The following CACNA1B variants were observed in gnomAD, a reference collection of about 807,000 sequenced individuals.
The protein encoded by CACNA1B is calcium voltage-gated channel subunit alpha1 B.
Under a neutral mutation model 247.2 loss-of-function variants are expected in CACNA1B, and 70 were observed. The observed-to-expected ratio is 0.28, with a 90% CI of 0.23 to 0.35. The LOEUF is 0.35. CACNA1B is among the 10% of genes least tolerant of loss of function. The probability of loss-of-function intolerance (pLI) is 1.00; values close to 1 mark genes in which losing one functional copy is unlikely to be tolerated. For missense variants in CACNA1B, 2,367 were observed against 3,197.4 expected, an observed-to-expected ratio of 0.74 and a Z score of 6.26; for synonymous variants, 1,231 against 1,294.4, an observed-to-expected ratio of 0.95 and a Z score of 1.05.
At chr9:137,924,177 T>A (rs775434569) in intron 6 of CACNA1B, among the ~76,000 whole-genome samples, 5 of 152,220 alleles carry the variant, frequency 3.3e-5, no homozygotes, top group Non-Finnish European at 5.9e-5. Flanking sequence ...GTAAGAACTC[T>A]GCCTAGTCCT....
intron 10 of CACNA1B, among the ~76,000 whole-genome samples, chr9:137,962,840 A>T (rs1958034935): frequency 6.6e-6 from 1 of 152,196 alleles, no homozygotes; most frequent in African/African-American, 2.4e-5. Flanking sequence ...TGTGGCGATG[A>T]GAAGAATGTA....
rs534277453 is a variant in CACNA1B, at chr9:138,000,559, G to A, written c.1975-6208G>A. Among the ~76,000 whole-genome samples, 157 of 152,224 alleles carry A rather than the reference G, an allele frequency of 1.0e-3. 1 individual carries two copies. The highest frequency in any genetic ancestry group is 1.8e-3 in the Non-Finnish European group (121 of 68,016). On this transcript the variant is annotated intron_variant, in intron 15 of 46. Transcript: ENST00000371372. ...GCCTGGGGCCCAGTCATTATAAGGC[G>A]AGTTTCACCAAGCCTTTCAAGAAGA...
At chr9:137,884,985 G>T in intron 3 of CACNA1B, among the ~76,000 whole-genome samples, 1 of 96,160 alleles carries the variant, frequency 1.0e-5, no homozygotes, top group Admixed American at 1.3e-4. Context: ...CACTTTGCCT[G>T]TCTAGCCCTT....
intron 10 of CACNA1B, among the ~76,000 whole-genome samples, chr9:137,960,421 TC>T (rs1958004718): frequency 8.3e-5 from 1 of 12,034 alleles, no homozygotes; most frequent in East Asian, 4.7e-3. Context: ...GGAGGGGAGG[TC>T]AGCCTGAGAG....
At chr9:138,109,602 A>G (rs1961552947) in intron 39 of CACNA1B, among the ~76,000 whole-genome samples, 3 of 152,104 alleles carry the variant, frequency 2.0e-5, no homozygotes, top group South Asian at 2.1e-4. Context: ...TGAACTGATC[A>G]CCTCCTTACA....
intron 10 of CACNA1B, among the ~76,000 whole-genome samples, chr9:137,967,045 A>T (rs1198100653): frequency 6.6e-6 from 1 of 150,738 alleles, no homozygotes; most frequent in East Asian, 1.9e-4. Context: ...CTCTCCATTT[A>T]GTATAATGTT....
intron 20 of CACNA1B, 30 bp from the exon 21 acceptor site, chr9:138,043,744 C>T (rs1375783319): frequency 6.2e-7 from 1 of 1,613,444 alleles, no homozygotes; most frequent in South Asian, 1.1e-5. Flanking sequence ...TGCACTACAC[C>T]CCTTACTCGG....
rs553422023 is a variant in CACNA1B at position 138,051,244 on chromosome 9, T to C, written c.3711-848T>C. Among the ~76,000 whole-genome samples the C allele has an allele frequency of 6.6e-6, 1 of 152,138 alleles. No homozygotes were observed. The highest frequency in any genetic ancestry group is 2.1e-4 in the South Asian group (1 of 4,820). On this transcript the variant is annotated intron_variant, in intron 24 of 46. Transcript: ENST00000371372. This position sits in a 1 kb window ranked among gnomAD's most constrained non-coding sequence, Gnocchi z 4.3. ...CCAGTCCCCAGAACCTGCTAATTCC[T>C]GCGTCCCTGACAGGTAGAGGCAGCT...
At chr9:138,004,442 CAGG>C (rs1430293437) in intron 15 of CACNA1B, among the ~76,000 whole-genome samples, 2 of 150,852 alleles carry the variant, frequency 1.3e-5, no homozygotes, top group Non-Finnish European at 2.9e-5. Context: ...CCCAGTTACT[CAGG>C]AGGCTGAGGT....
At chr9:137,993,410 GTCTA>G (rs1268614312) in intron 15 of CACNA1B, among the ~76,000 whole-genome samples, 1 of 151,404 alleles carries the variant, frequency 6.6e-6, no homozygotes, top group Non-Finnish European at 1.5e-5. Flanking sequence ...TTTTTATTTT[GTCTA>G]TCTAGATAGA....
intron 6 of CACNA1B, among the ~76,000 whole-genome samples, chr9:137,925,836 A>G (rs958546756): frequency 2.8e-5 from 4 of 143,986 alleles, no homozygotes; most frequent in African/African-American, 1.0e-4. Flanking sequence ...TCCCCCTCCC[A>G]GGTTCATGCC....
In CACNA1B at chr9:138,115,572, C is replaced by T. The variant is rs773042937; in HGVS notation, c.5670C>T (p.Phe1890=). Reference sequence around the variant, plus strand: ...TGCAGATGGGTCCTGTGTCCCTGTTCCACCCTCTGAAGGCCACCCTGGAGC... The same window carrying T: ...TGCAGATGGGTCCTGTGTCCCTGTTTCACCCTCTGAAGGCCACCCTGGAGC... The part of the protein sequence containing the change: ...GLSQMGPVSL[F]HPLKATLEQT... The change falls in exon 42 of 47, where the codon TTC becomes TTT. Residue 1890 remains phenylalanine (F), a synonymous_variant. Transcript: ENST00000371372. 5.6e-6 allele frequency: 9 copies of T among 1,613,422 alleles called. No homozygotes were observed. The highest frequency in any genetic ancestry group is 7.6e-6 in the Non-Finnish European group (9 of 1,179,802).
intron 10 of CACNA1B, among the ~76,000 whole-genome samples, chr9:137,963,364 C>T (rs1311484936): frequency 1.3e-5 from 2 of 152,054 alleles, no homozygotes; most frequent in African/African-American, 2.4e-5. Flanking sequence ...TTAATTGGTG[C>T]ATTTAGCCTA....
rs141066692 is a variant in CACNA1B at position 138,076,353 on chromosome 9, CAG to C, written c.4949+444_4949+445del. On this transcript the variant is annotated intron_variant, in intron 35 of 46. Transcript: ENST00000371372. ...GGTGGGATCGAGGGCAGTAGGGCAA[CAG>C]GGGGAACTGACCAGCAGAGTTTGTA... 0.012 allele frequency among the ~76,000 whole-genome samples: 1,805 copies of C among 152,312 alleles called. 84 individuals are homozygous for C. In the East Asian group the frequency reaches 0.19, roughly 16 times the overall value.
Position 138,102,822 on chromosome 9 carries a change from T to G in CACNA1B, c.5319+15T>G. 1.3e-6 allele frequency: 2 copies of G among 1,538,298 alleles called. No homozygotes were observed. Among genetic ancestry groups the G allele is most frequent in the East Asian group, 2.3e-5 (1 of 44,196 alleles). On this transcript the variant is annotated intron_variant, in intron 38 of 46. Transcript: ENST00000371372. The surrounding 1 kb of genome is among the most constrained non-coding windows in gnomAD (Gnocchi z 5.4). ...TTGCTTACAAGGTAGACCCTGACCC[T>G]GCAACCCGCCCCCCAGGAGGCTGTG... is the stretch of plus-strand genomic sequence containing the variant.
At chr9:137,991,598 C>T (rs1958432361) in intron 15 of CACNA1B, among the ~76,000 whole-genome samples, 1 of 152,168 alleles carries the variant, frequency 6.6e-6, no homozygotes, top group African/African-American at 2.4e-5. Context: ...TTGCAAAATT[C>T]ATTGCAGAAG....
At chr9:138,063,252 G>A (rs1253021682) in intron 31 of CACNA1B, among the ~76,000 whole-genome samples, 1 of 152,208 alleles carries the variant, frequency 6.6e-6, no homozygotes, top group Admixed American at 6.5e-5. Flanking sequence ...CAGGGATTTG[G>A]GAGGCCAAGG....
intron 6 of CACNA1B, among the ~76,000 whole-genome samples, chr9:137,945,985 A>T (rs1957791512): frequency 6.6e-6 from 1 of 151,920 alleles, no homozygotes; most frequent in South Asian, 2.1e-4. Context: ...TGCCTGGCTA[A>T]TTTTTTTTAT....
At chr9:138,064,396 C>T (rs1959841349) in intron 31 of CACNA1B, among the ~76,000 whole-genome samples, 3 of 152,200 alleles carry the variant, frequency 2.0e-5, no homozygotes, top group Admixed American at 2.0e-4. Flanking sequence ...AAGCTGTGGA[C>T]CCTGGATCTG....
Sources: gnomAD v4.1 joint callset for allele counts (sites outside exome capture counted in the v4.1 genomes callset) on GRCh38, gnomAD v4.1.1 for gene constraint, Gnocchi (gnomAD v3.1) non-coding constraint, MANE v1.5 for transcripts, NCBI Gene and HGNC (gene_info 2026-07-23, HGNC 2026-07-21) for gene names.